CREB3L2: variants seen among roughly 807,000 people sequenced by gnomAD.
The protein encoded by CREB3L2 is cAMP responsive element binding protein 3 like 2, also known as cyclic AMP-responsive element-binding protein 3-like protein 2.
Under a neutral mutation model 57.2 loss-of-function variants are expected in CREB3L2, and 23 were observed. The observed-to-expected ratio is 0.40, with a 90% CI of 0.29 to 0.57. The LOEUF (loss-of-function observed/expected upper bound fraction) is 0.57, where lower values mean the gene tolerates loss of function less well. CREB3L2 is among the 20% of genes least tolerant of loss of function. The pLI is 0.42. For missense variants in CREB3L2, 628 were observed against 634.7 expected (o/e 0.99, Z 0.11); for synonymous variants, 268 against 265.1 (o/e 1.01, Z -0.11).
intron 1 of CREB3L2, among the ~76,000 whole-genome samples, chr7:137,971,449 CA>C (rs34602691): frequency 6.9e-4 from 94 of 136,024 alleles, no homozygotes; most frequent in African/African-American, 1.2e-3. Context: ...GACTCCGTCT[CA>C]AAAAAAAAAA....
At chr7:137,888,608 A>C (rs1161768610) in intron 8 of CREB3L2, among the ~76,000 whole-genome samples, 1 of 152,224 alleles carries the variant, frequency 6.6e-6, no homozygotes, top group Admixed American at 6.5e-5. Context: ...TATTTCTTCA[A>C]GTCCTTGGGC....
chr7:137,880,194 C>T lies in CREB3L2; in HGVS notation c.*282G>A. 1 of 477,186 alleles carries T rather than the reference C, an allele frequency of 2.1e-6. No homozygotes were observed. The highest frequency in any genetic ancestry group is 3.8e-6 in the Non-Finnish European group (1 of 260,414). 29.6% of individuals were successfully genotyped at this position (477,186 alleles called of 1,614,324 possible). On this transcript the variant is annotated 3_prime_UTR_variant, in exon 12 of 12. Coordinates refer to ENST00000330387, the MANE Select transcript of CREB3L2 (RefSeq NM_194071.4). The surrounding 1 kb of genome is among the most constrained non-coding windows in gnomAD (Gnocchi z 4.0). ...ATCTTTTTGGCACTATTGGTGGAAA[C>T]AAGCCTGCTTGTCCCACCTCCAACC...
At position 137,991,304 on chromosome 7, in the gene CREB3L2, C is replaced by G. The variant is rs541464317; in HGVS notation, c.102+10300G>C. ...TCAGCCTCCCGAGTAGCTGGGACTA[C>G]AGGCACCCACCACCACACCTGGCTA... On this transcript the variant is annotated intron_variant, in intron 1 of 11. Coordinates refer to ENST00000330387, the MANE Select transcript of CREB3L2 (RefSeq NM_194071.4). Among the ~76,000 whole-genome samples, 5 of 151,848 alleles carry G rather than the reference C, an allele frequency of 3.3e-5. No homozygotes were observed. In the East Asian group the frequency reaches 5.9e-4, roughly 18 times the overall value.
intron 2 of CREB3L2, among the ~76,000 whole-genome samples, chr7:137,925,686 A>G (rs548315631): frequency 6.6e-6 from 1 of 152,298 alleles, no homozygotes; most frequent in South Asian, 2.1e-4. Context: ...ACATCTGCCC[A>G]TCCACACAAC....
chr7:137,881,959 A>G (rs1459067282), intron 11 of CREB3L2, among the ~76,000 whole-genome samples: 1 of 152,200 alleles, frequency 6.6e-6, no homozygotes, highest in Non-Finnish European at 1.5e-5. Context: ...TAATTAACAC[A>G]TGTGTATTTA....
intron 1 of CREB3L2, among the ~76,000 whole-genome samples, chr7:137,977,239 T>A (rs1274519447): frequency 1.3e-5 from 2 of 152,162 alleles, no homozygotes; most frequent in Non-Finnish European, 2.9e-5. Flanking sequence ...GAAAGTGGGA[T>A]TAGCAATAAA....
chr7:137,994,219 T>C (rs1213200693), intron 1 of CREB3L2, among the ~76,000 whole-genome samples: 2 of 152,224 alleles, frequency 1.3e-5, no homozygotes, highest in Non-Finnish European at 2.9e-5. Flanking sequence ...TTAAGGCTAT[T>C]TACCCCAAGA....
chr7:137,931,454 G>A (rs1465335014), intron 1 of CREB3L2, among the ~76,000 whole-genome samples: 3 of 150,428 alleles, frequency 2.0e-5, no homozygotes, highest in Non-Finnish European at 3.0e-5. Flanking sequence ...CCCAGGAGGC[G>A]GAGCTTGCAG....
At position 137,955,409 on chromosome 7, in the gene CREB3L2, C is replaced by T. The variant is rs1475345459; in HGVS notation, c.103-27043G>A. 5.1e-6 allele frequency: 4 copies of T among 790,060 alleles called. No individual in the cohort carries two copies. In the African/African-American group the frequency reaches 5.3e-5, roughly 11 times the overall value. 48.9% of individuals were successfully genotyped at this position (790,060 alleles called of 1,614,324 possible). A position where few individuals can be genotyped will look rare whatever the true frequency, so the allele number is the denominator to read the frequency against. Reference sequence around the variant, plus strand: ...AGTTCTTCAGCACGGCCACCTCACTCCTCTCCCCTTAATCCCCACACGCCA... The same window carrying T: ...AGTTCTTCAGCACGGCCACCTCACTTCTCTCCCCTTAATCCCCACACGCCA... On this transcript the variant is annotated intron_variant, in intron 1 of 11. Transcript: ENST00000330387.
rs1248019151 is a variant in CREB3L2 at position 137,922,457 on chromosome 7, C to T, written c.319+5693G>A. ...ATATACGTATATATATATATATACA[C>T]ACATATATATATACACACATATATA... On this transcript the variant is annotated intron_variant, in intron 2 of 11. Coordinates refer to ENST00000330387, the MANE Select transcript of CREB3L2 (RefSeq NM_194071.4). 964 of 115,336 alleles carry T rather than the reference C, an allele frequency of 8.4e-3. 48 individuals carry two copies. Among genetic ancestry groups the T allele is most frequent in the African/African-American group, 0.039 (917 of 23,502 alleles). The allele number at this position is 115,336 out of a possible 1,614,324, so 7.1% of individuals were successfully genotyped here.
At chr7:137,914,275 G>C (rs767027311) in intron 3 of CREB3L2, among the ~76,000 whole-genome samples, 18 of 152,040 alleles carry the variant, frequency 1.2e-4, no homozygotes. Context: ...AAGGAGAAAA[G>C]TTATCTGGCC....
At chr7:137,944,451 A>T (rs1055963967) in intron 1 of CREB3L2, among the ~76,000 whole-genome samples, 1 of 152,250 alleles carries the variant, frequency 6.6e-6, no homozygotes, top group Non-Finnish European at 1.5e-5. Context: ...CGACCACGGA[A>T]AAAGTAAACC....
chr7:137,915,944 C>T lies in CREB3L2; in HGVS notation c.388G>A (p.Val130Ile), dbSNP rs273957. The T allele has an allele frequency of 0.65, 1,042,312 of 1,613,186 alleles. 343,262 individuals carry two copies. The highest frequency in any genetic ancestry group is 0.93 in the African/African-American group (69,575 of 75,006). The change falls in exon 3 of 12, where the codon GTT becomes ATT. Residue 130 changes from valine (V) to isoleucine (I), a missense_variant. Val to Ile is a conservative substitution (Grantham distance 29). This residue lies in a region of CREB3L2 where 339 missense variants were observed against 355.4 expected (regional missense o/e 0.95). Transcript: ENST00000330387. ...AGTCCTGGGGGTGGTTCGTCTGTAA[C>T]TGGCTCTGTCTTGATGGATGTTGAA... Reference protein sequence around the residue: ...FPSTSIKTEPVTDEPPPGLVP... With the variant: ...FPSTSIKTEPITDEPPPGLVP...
chr7:137,904,350 G>A (rs1487128879), intron 6 of CREB3L2, among the ~76,000 whole-genome samples: 1 of 152,068 alleles, frequency 6.6e-6, no homozygotes, highest in Non-Finnish European at 1.5e-5. Flanking sequence ...GGCCAACATG[G>A]TGAAACCCTG....
At chr7:137,992,102 C>T (rs1801909344) in intron 1 of CREB3L2, among the ~76,000 whole-genome samples, 1 of 152,040 alleles carries the variant, frequency 6.6e-6, no homozygotes, top group Non-Finnish European at 1.5e-5. Flanking sequence ...CACCAGAATA[C>T]AGCAACTCAA....
chr7:137,969,416 G>A (rs1416505652), intron 1 of CREB3L2, among the ~76,000 whole-genome samples: 1 of 142,652 alleles, frequency 7.0e-6, no homozygotes. Flanking sequence ...GCACGAACTC[G>A]GCTCACTGCA....
intron 1 of CREB3L2, among the ~76,000 whole-genome samples, chr7:137,958,995 T>C (rs1323189530): frequency 6.6e-6 from 1 of 152,310 alleles, no homozygotes; most frequent in African/African-American, 2.4e-5. Context: ...AGACTAACAT[T>C]AAAGCAGAAG....
Position 137,905,803 on chromosome 7 carries a change from T to C in CREB3L2, c.814A>G (p.Arg272Gly), listed in dbSNP as rs1208366546. 1 of 1,614,184 alleles carries C rather than the reference T, an allele frequency of 6.2e-7. No individual in the cohort carries two copies. The highest frequency in any genetic ancestry group is 8.5e-7 in the Non-Finnish European group (1 of 1,179,998). Reference sequence around the variant, plus strand: ...GGATAGCCCTCAGCGATCAGGGTCCTCTTCTCCTCCTCTGTCAGGACCAGA... The same window carrying C: ...GGATAGCCCTCAGCGATCAGGGTCCCCTTCTCCTCCTCTGTCAGGACCAGA... ...GPLVLTEEEK[R>G]TLIAEGYPIP... The change falls in exon 6 of 12, where the codon AGG becomes GGG. Residue 272 changes from arginine (R) to glycine (G), a missense_variant. Arg to Gly is a moderately radical substitution (Grantham distance 125, BLOSUM62 -2). Transcript: ENST00000330387.
Position 137,929,181 on chromosome 7 carries a change from A to G in CREB3L2, c.103-815T>C, listed in dbSNP as rs1010812817. On this transcript the variant is annotated intron_variant, in intron 1 of 11. Coordinates refer to ENST00000330387, the MANE Select transcript of CREB3L2 (RefSeq NM_194071.4). The stretch of plus-strand genomic sequence containing the variant: ...TTCCAGCCCCCACCATGCTTTGGAC[A>G]TAATATAGGACTAGCCCATATAAAT... 5.9e-5 allele frequency among the ~76,000 whole-genome samples: 9 copies of G among 152,140 alleles called. No individual in the cohort carries two copies. In the South Asian group the frequency reaches 1.9e-3, roughly 31 times the overall value.
Sources: allele counts gnomAD v4.1 joint callset (sites outside exome capture counted in the v4.1 genomes callset), GRCh38; gene constraint gnomAD v4.1.1; regional missense constraint gnomAD v4.1.1; non-coding constraint Gnocchi (gnomAD v3.1); transcripts MANE v1.5; gene names NCBI Gene and HGNC (gene_info 2026-07-23, HGNC 2026-07-21).